Variants in PPP1R3F observed in about 807,000 individuals in gnomAD.
PPP1R3F encodes the protein protein phosphatase 1, regulatory (inhibitor) subunit 3F.
A neutral mutation model predicts 24.2 loss-of-function variants in PPP1R3F; 29 were observed. That is an observed-to-expected ratio of 1.20 (90% CI 0.89 to 1.63). PPP1R3F has a LOEUF of 1.63. Ranked by LOEUF, PPP1R3F falls within the 40% of genes most tolerant of loss-of-function variation. The pLI is 0.00. For synonymous variants in PPP1R3F, 363 were observed against 340.1 expected, an observed-to-expected ratio of 1.07 and a Z score of -0.74; for missense variants, 823 against 729.3, an observed-to-expected ratio of 1.13 and a Z score of -1.48.
At chrX:49,296,056 C>T (rs1557122798) in intron 3 of PPP1R3F, among the ~76,000 whole-genome samples, 1 of 111,877 alleles carries the variant, frequency 8.9e-6, no homozygotes, top group African/African-American at 3.2e-5. Context: ...AGGAGTCCCT[C>T]TTTTTCTATT....
chrX:49,297,503 C>T (rs1014723048), intron 3 of PPP1R3F, among the ~76,000 whole-genome samples: 52 of 110,424 alleles, frequency 4.7e-4, no homozygotes, highest in Non-Finnish European at 7.8e-4. Flanking sequence ...CGTGAGCCAC[C>T]GCGCCTGGCC....
At chrX:49,283,888 A>G (rs1457300492) in intron 3 of PPP1R3F, among the ~76,000 whole-genome samples, 3 of 111,661 alleles carry the variant, frequency 2.7e-5, no homozygotes, top group Admixed American at 1.9e-4. Context: ...ATTTAATTCT[A>G]TTATTCCCAC....
intron 3 of PPP1R3F, among the ~76,000 whole-genome samples, chrX:49,299,970 G>A (rs1557123175): frequency 8.9e-6 from 1 of 112,114 alleles, no homozygotes. Context: ...GACCTGCTCA[G>A]CTAGACCACA....
Position 49,270,777 on chromosome X carries a change from A to G in PPP1R3F, c.908A>G (p.Gln303Arg). The G allele has an allele frequency of 8.4e-7, 1 of 1,195,141 alleles. No individual in the cohort carries two copies. Among genetic ancestry groups the G allele is most frequent in the Non-Finnish European group, 1.1e-6 (1 of 887,132 alleles). ...PTDAEGLPQQ[Q>R]QLPQLEPQPE... ...GATGCCGAAGGGCTGCCCCAGCAGC[A>G]GCAGCTGCCGCAGCTGGAGCCACAG... The change falls in exon 1 of 4, where the codon CAG becomes CGG. Residue 303 changes from glutamine (Q) to arginine (R), a missense_variant. By Grantham distance (43) the Gln-to-Arg change is conservative (BLOSUM62 1). Transcript: ENST00000055335.
chrX:49,277,885 TG>T (rs781859774), intron 1 of PPP1R3F, among the ~76,000 whole-genome samples: 4 of 111,964 alleles, frequency 3.6e-5, no homozygotes, highest in Non-Finnish European at 7.5e-5. Flanking sequence ...TCAAATGCCT[TG>T]GTGTGTCAAT....
intron 3 of PPP1R3F, among the ~76,000 whole-genome samples, chrX:49,293,371 A>G (rs1296412140): frequency 8.9e-6 from 1 of 112,645 alleles, no homozygotes; most frequent in African/African-American, 3.2e-5. Flanking sequence ...GCCACTATAA[A>G]CTATCTGTGG....
chrX:49,279,404 C>T (rs1557120378), intron 1 of PPP1R3F, among the ~76,000 whole-genome samples: 1 of 112,072 alleles, frequency 8.9e-6, no homozygotes, highest in East Asian at 2.8e-4. Flanking sequence ...TTCAACCAGG[C>T]CGGGCACGGT....
rs1557118760 is a variant in PPP1R3F, at chrX:49,270,296, C to T, written c.427C>T (p.Pro143Ser). 2 of 1,102,273 alleles carry T rather than the reference C, an allele frequency of 1.8e-6. No homozygotes were observed. The highest frequency in any genetic ancestry group is 1.2e-6 in the Non-Finnish European group (1 of 850,249). The allele number at this position is 1,102,273 out of a possible 1,213,427, so 90.8% of individuals were successfully genotyped here. A position where few individuals can be genotyped will look rare whatever the true frequency, so the allele number is the denominator to read the frequency against. Residue 143 changes from proline to serine, a missense_variant, in exon 1 of 4, where the codon CCG becomes TCG. Coordinates refer to ENST00000055335, the MANE Select transcript of PPP1R3F (RefSeq NM_033215.5). ...RVMVELEALL[P>S]PPGAVPGGAG... ...CATGGTGGAGCTGGAGGCGCTGCTG[C>T]CGCCTCCCGGAGCGGTCCCCGGGGG...
Position 49,281,388 on chromosome X carries a change from C to G in PPP1R3F, c.1005-18C>G, listed in dbSNP as rs1557120696. On this transcript the variant is annotated intron_variant, in intron 1 of 3. Transcript: ENST00000055335. ...CAGGGTATTATTAGATCCATGTACT[C>G]TCTCCTCTGCCCTGCAGGCCTGCCG... 2 of 1,191,076 alleles carry G rather than the reference C, an allele frequency of 1.7e-6. No individual in the cohort carries two copies. The highest frequency in any genetic ancestry group is 2.2e-5 in the Admixed American group (1 of 45,414).
chrX:49,287,034 A>G lies in PPP1R3F; in HGVS notation c.2344A>G (p.Ser782Gly). Residue 782 changes from serine (S) to glycine (G), a missense_variant, in exon 4 of 4, where the codon AGC (serine) becomes GGC (glycine). Physicochemically the swap from Ser to Gly is moderately conservative, Grantham distance 56. Transcript: ENST00000055335. ...AGTGGTGGTCCCTGTGGCTCTGAACAGCGGTGTGTCCCTCCTGGTGCTTGC... is the reference window on the plus strand; with the variant it reads ...AGTGGTGGTCCCTGTGGCTCTGAACGGCGGTGTGTCCCTCCTGGTGCTTGC... ...GLVVVPVALN[S>G]GVSLLVLALC... is the part of the protein sequence containing the mutation. The G allele has an allele frequency of 8.3e-7, 1 of 1,210,541 alleles. No homozygotes were observed. The highest frequency in any genetic ancestry group is 1.1e-6 in the Non-Finnish European group (1 of 895,424).
intron 3 of PPP1R3F, among the ~76,000 whole-genome samples, chrX:49,300,405 A>G (rs917574509): frequency 3.0e-5 from 3 of 98,672 alleles, no homozygotes; most frequent in Non-Finnish European, 6.0e-5. Context: ...GAAATCACCC[A>G]CCTTCTGCCT....
chrX:49,273,627 G>C (rs2066194708), intron 1 of PPP1R3F: 1 of 112,551 alleles, frequency 8.9e-6, no homozygotes, highest in Non-Finnish European at 1.9e-5. Context: ...TAGAACCTGT[G>C]TGCTGCCAGT....
chrX:49,278,556 C>T (rs2066228176), intron 1 of PPP1R3F, among the ~76,000 whole-genome samples: 1 of 111,820 alleles, frequency 8.9e-6, no homozygotes, highest in African/African-American at 3.3e-5. Flanking sequence ...CCAGAGTCAC[C>T]CACCCTAGGC....
intron 1 of PPP1R3F, chrX:49,274,642 G>A (rs1476031357): frequency 8.9e-6 from 1 of 112,290 alleles, no homozygotes; most frequent in Non-Finnish European, 1.9e-5. Flanking sequence ...GTTAGAGAAT[G>A]TCCCATGGCA....
chrX:49,278,344 C>T (rs1402923151), intron 1 of PPP1R3F, among the ~76,000 whole-genome samples: 1 of 112,147 alleles, frequency 8.9e-6, no homozygotes, highest in African/African-American at 3.2e-5. Context: ...TTTAGAAGAT[C>T]CTAGGAGGAG....
At chrX:49,282,289 G>A (rs184526499) in intron 3 of PPP1R3F, among the ~76,000 whole-genome samples, 3 of 112,044 alleles carry the variant, frequency 2.7e-5, no homozygotes, top group Admixed American at 1.9e-4. Flanking sequence ...TGCTTGTTCT[G>A]TGCTAAGCAC....
At chrX:49,280,275 C>A (rs2066239667) in intron 1 of PPP1R3F, among the ~76,000 whole-genome samples, 1 of 111,106 alleles carries the variant, frequency 9.0e-6, no homozygotes, top group Non-Finnish European at 1.9e-5. Flanking sequence ...GTGAGATAAT[C>A]TCTCACTCTG....
chrX:49,298,783 G>A (rs988934208), intron 3 of PPP1R3F, among the ~76,000 whole-genome samples: 2 of 109,755 alleles, frequency 1.8e-5, no homozygotes, highest in Non-Finnish European at 3.8e-5. Context: ...CCTTTCTTCC[G>A]CTTGATCGAT....
At chrX:49,283,848 T>A (rs898663136) in intron 3 of PPP1R3F, among the ~76,000 whole-genome samples, 1 of 111,317 alleles carries the variant, frequency 9.0e-6, no homozygotes, top group Non-Finnish European at 1.9e-5. Flanking sequence ...TATTTAATCT[T>A]TTATTATTAA....
Sources: gnomAD v4.1 joint callset for allele counts (sites outside exome capture counted in the v4.1 genomes callset) on GRCh38, gnomAD v4.1.1 for gene constraint, MANE v1.5 for transcripts, NCBI Gene and HGNC (gene_info 2026-07-23, HGNC 2026-07-21) for gene names.